The following NTM variants were observed in gnomAD, a reference collection of about 807,000 sequenced individuals.
The protein encoded by NTM is neurotrimin.
Under a neutral mutation model 42.1 loss-of-function variants are expected in NTM, and 13 were observed. The observed-to-expected ratio is 0.31, with a 90% confidence interval of 0.20 to 0.49. The LOEUF (loss-of-function observed/expected upper bound fraction) is 0.49. Among genes scored for constraint, NTM ranks in the 20% least tolerant of loss-of-function variants. NTM has a pLI of 0.99. For missense variants in NTM, 373 were observed against 452.8 expected (o/e 0.82, Z 1.60); for synonymous variants, 187 against 179.2 (o/e 1.04, Z -0.35).
chr11:132,137,306 A>G (rs983463190), intron 2 of NTM, among the ~76,000 whole-genome samples: 1 of 152,008 alleles, frequency 6.6e-6, no homozygotes, highest in Non-Finnish European at 1.5e-5. Flanking sequence ...TGTTTCAGGG[A>G]CTCCTGTTTC....
chr11:132,254,427 T>TC (rs559520294), intron 4 of NTM, among the ~76,000 whole-genome samples: 142 of 152,064 alleles, frequency 9.3e-4, no homozygotes, highest in African/African-American at 3.3e-3. Flanking sequence ...AGTCTCCTTT[T>TC]CCCCACGTCT....
chr11:131,718,566 G>A (rs1214599239), intron 1 of NTM, among the ~76,000 whole-genome samples: 1 of 152,134 alleles, frequency 6.6e-6, no homozygotes, highest in Non-Finnish European at 1.5e-5. Flanking sequence ...TGTGAGTGCT[G>A]GGCACTGTTC....
chr11:131,675,182 T>C (rs1220082732), intron 1 of NTM, among the ~76,000 whole-genome samples: 1 of 152,216 alleles, frequency 6.6e-6, no homozygotes, highest in African/African-American at 2.4e-5. Flanking sequence ...TTGGGATATT[T>C]CTGTTTAGCA....
At chr11:131,736,522 C>A (rs561135937) in intron 1 of NTM, among the ~76,000 whole-genome samples, 1 of 152,198 alleles carries the variant, frequency 6.6e-6, no homozygotes, top group East Asian at 1.9e-4. Flanking sequence ...GCCCTTTCTG[C>A]CAATCAGCCC....
intron 8 of NTM, among the ~76,000 whole-genome samples, chr11:132,331,607 G>A (rs1056467272): frequency 7.2e-5 from 11 of 152,278 alleles, no homozygotes; most frequent in Middle Eastern, 6.8e-3. Context: ...TACCTGCCAC[G>A]GGCCAATGAG....
intron 2 of NTM, among the ~76,000 whole-genome samples, chr11:131,974,944 C>T (rs2064093628): frequency 6.6e-6 from 1 of 152,096 alleles, no homozygotes; most frequent in African/African-American, 2.4e-5. Context: ...ATGCCTATAT[C>T]GTGTCCTTCT....
intron 3 of NTM, among the ~76,000 whole-genome samples, chr11:132,165,996 A>T (rs1214713751): frequency 2.6e-5 from 4 of 152,140 alleles, no homozygotes; most frequent in Non-Finnish European, 5.9e-5. Context: ...CCCCTGAGCT[A>T]TTTAGTAGAT....
chr11:132,089,173 C>G (rs986170959), intron 2 of NTM, among the ~76,000 whole-genome samples: 1 of 152,190 alleles, frequency 6.6e-6, no homozygotes, highest in Non-Finnish European at 1.5e-5. Flanking sequence ...AGAAATTCAA[C>G]AAGCAGGGTG....
intron 4 of NTM, among the ~76,000 whole-genome samples, chr11:132,303,315 G>A (rs1389331677): frequency 1.3e-5 from 2 of 152,190 alleles, no homozygotes; most frequent in Non-Finnish European, 2.9e-5. Flanking sequence ...CAGTGACAGG[G>A]GAGAACCCTC....
At chr11:131,959,030 A>G (rs536281791) in intron 2 of NTM, among the ~76,000 whole-genome samples, 21 of 152,138 alleles carry the variant, frequency 1.4e-4, no homozygotes, top group Admixed American at 1.3e-3. Flanking sequence ...AGACTTTGTT[A>G]CTCGTGGCAC....
chr11:131,676,661 A>G (rs185659827), intron 1 of NTM, among the ~76,000 whole-genome samples: 68 of 152,324 alleles, frequency 4.5e-4, no homozygotes, highest in Non-Finnish European at 6.3e-4. Flanking sequence ...CATTGGAGAG[A>G]CAGATTTGCT....
chr11:131,800,001 G>A (rs544268427), intron 1 of NTM, among the ~76,000 whole-genome samples: 2 of 152,234 alleles, frequency 1.3e-5, no homozygotes, highest in South Asian at 2.1e-4. Flanking sequence ...TAAAATTATT[G>A]GAGGATGTGA....
Position 131,882,793 on chromosome 11 carries a change from T to C in NTM, c.83-28771T>C, listed in dbSNP as rs144802056. Among the ~76,000 whole-genome samples the C allele has an allele frequency of 2.2e-3, 335 of 152,318 alleles. 1 individual carries two copies. The highest frequency in any genetic ancestry group is 3.4e-3 in the Middle Eastern group (1 of 294). On this transcript the variant is annotated intron_variant, in intron 1 of 8. Coordinates refer to ENST00000683400, the MANE Select transcript of NTM (RefSeq NM_001352005.2). ...TGAGGCAGGCAACTCTTAGCTTAAT[T>C]CAAGAGATCTTATTTACCATATTTA...
intron 2 of NTM, among the ~76,000 whole-genome samples, chr11:132,039,133 T>C (rs1357550260): frequency 2.0e-5 from 3 of 152,156 alleles, no homozygotes; most frequent in Non-Finnish European, 4.4e-5. Flanking sequence ...CCCTTTGGGC[T>C]TTGAGGTCTG....
intron 1 of NTM, among the ~76,000 whole-genome samples, chr11:131,426,826 G>A (rs1948176704): frequency 6.6e-6 from 1 of 152,098 alleles, no homozygotes; most frequent in African/African-American, 2.4e-5. Context: ...TAAAGCAGTG[G>A]AGTAAATTGA....
At chr11:131,623,352 A>G (rs564031551) in intron 1 of NTM, among the ~76,000 whole-genome samples, 81 of 152,364 alleles carry the variant, frequency 5.3e-4, no homozygotes, top group African/African-American at 1.9e-3. Flanking sequence ...ATTTGCACCC[A>G]GTAAAAATCG....
At chr11:132,149,552 C>T (rs937211455) in intron 3 of NTM, among the ~76,000 whole-genome samples, 1 of 152,202 alleles carries the variant, frequency 6.6e-6, no homozygotes, top group East Asian at 1.9e-4. Flanking sequence ...CACAGCATTG[C>T]ACAAGCTGCT....
intron 2 of NTM, among the ~76,000 whole-genome samples, chr11:132,125,882 T>C (rs1285646985): frequency 1.4e-5 from 1 of 72,924 alleles, no homozygotes; most frequent in Non-Finnish European, 3.0e-5. Flanking sequence ...TGCTGTGGTA[T>C]GTGGTGTGTG....
intron 1 of NTM, among the ~76,000 whole-genome samples, chr11:131,372,097 G>A (rs1941293176): frequency 6.6e-6 from 1 of 152,186 alleles, no homozygotes; most frequent in South Asian, 2.1e-4. Flanking sequence ...AGGATTTAGG[G>A]ATTGCTGCTG....
Sources: gnomAD v4.1 joint callset for allele counts (sites outside exome capture counted in the v4.1 genomes callset) on GRCh38, gnomAD v4.1.1 for gene constraint, MANE v1.5 for transcripts, NCBI Gene and HGNC (gene_info 2026-07-23, HGNC 2026-07-21) for gene names.